Variants in RNFT2 observed in about 807,000 individuals in gnomAD.
RNFT2 encodes the protein ring finger protein, transmembrane 2.
RNFT2 carries 36 observed loss-of-function variants against 53.0 expected under a neutral mutation model. The ratio of observed to expected loss-of-function variants is 0.68; its 90% confidence interval spans 0.52 to 0.90. RNFT2 has a LOEUF of 0.90. RNFT2 is among the 40% of genes least tolerant of loss of function. The pLI is 0.00. For synonymous variants in RNFT2, 260 were observed against 253.2 expected (o/e 1.03, Z -0.26); for missense variants, 514 against 585.6 (o/e 0.88, Z 1.26).
intron 5 of RNFT2, among the ~76,000 whole-genome samples, chr12:116,763,079 CTGTT>C (rs1872754019): frequency 6.6e-6 from 1 of 151,868 alleles, no homozygotes; most frequent in Non-Finnish European, 1.5e-5. Context: ...AAGACCTTCT[CTGTT>C]TAAGAAAAAA....
chr12:116,802,821 G>T (rs139645560), intron 7 of RNFT2, among the ~76,000 whole-genome samples: 2 of 152,100 alleles, frequency 1.3e-5, no homozygotes, highest in Non-Finnish European at 2.9e-5. Flanking sequence ...TGGGCCTGGC[G>T]CAGTGGCTCA....
At position 116,853,277 on chromosome 12, in the gene RNFT2, A is replaced by G; in HGVS notation, c.*3829A>G. 2.5e-6 allele frequency: 1 copy of G among 398,708 alleles called. No homozygotes were observed. Among genetic ancestry groups the G allele is most frequent in the South Asian group, 1.3e-4 (1 of 7,862 alleles). 24.7% of individuals were successfully genotyped at this position (398,708 alleles called of 1,614,324 possible). ...TTGTAAGTAGGGTTAATCGAGTATCAGGTTCACAGTATCCTGCCCTTATTA... is the reference window on the plus strand; with the variant it reads ...TTGTAAGTAGGGTTAATCGAGTATCGGGTTCACAGTATCCTGCCCTTATTA... On this transcript the variant is annotated 3_prime_UTR_variant, in exon 11 of 11. Coordinates refer to ENST00000257575, the MANE Select transcript of RNFT2 (RefSeq NM_001382266.1).
At position 116,800,863 on chromosome 12, in the gene RNFT2, A is replaced by AAAATAAAATAAT. The variant is rs34964792; in HGVS notation, c.882+21515_882+21516insAAATAAAATAAT. On this transcript the variant is annotated intron_variant, in intron 7 of 10. Transcript: ENST00000257575. ...TAAAATAAAATAAAATAAAATAAAAACCATTTAACAGATAAAACAGAGGCT... is the reference window on the plus strand; with the variant it reads ...TAAAATAAAATAAAATAAAATAAAAAAAATAAAATAATCCATTTAACAGATAAAACAGAGGCT... Among the ~76,000 whole-genome samples the AAAATAAAATAAT allele has an allele frequency of 3.8e-3, 162 of 42,658 alleles. 3 individuals are homozygous for AAAATAAAATAAT. Among genetic ancestry groups the AAAATAAAATAAT allele is most frequent in the African/African-American group, 7.4e-3 (147 of 19,936 alleles). The allele number at this position is 42,658 out of a possible 152,430, so 28.0% of individuals were successfully genotyped here.
chr12:116,749,974 C>A lies in RNFT2; in HGVS notation c.217C>A (p.Pro73Thr). 1 of 1,561,706 alleles carries A rather than the reference C, an allele frequency of 6.4e-7. No homozygotes were observed. Among genetic ancestry groups the A allele is most frequent in the Non-Finnish European group, 8.7e-7 (1 of 1,152,786 alleles). ...LSGSLPTSSFPSSLVLGSSAG... is the reference protein window; with the variant it reads ...LSGSLPTSSFTSSLVLGSSAG... ...AGGCAGCCTCCCCACCAGCTCGTTCCCCTCCAGCCTGGTGCTGGGCTCCTC... is the reference window on the plus strand; with the variant it reads ...AGGCAGCCTCCCCACCAGCTCGTTCACCTCCAGCCTGGTGCTGGGCTCCTC... Residue 73 changes from proline to threonine, a missense_variant, in exon 4 of 11, where the codon CCC (proline) becomes ACC (threonine). Pro to Thr is a conservative substitution (Grantham distance 38, BLOSUM62 -1). Around this residue, in one of 3 missense-constraint regions of RNFT2, gnomAD observed 237 missense variants for 235.1 expected, o/e 1.01. Transcript: ENST00000257575.
intron 7 of RNFT2, among the ~76,000 whole-genome samples, chr12:116,803,254 G>A (rs776648903): frequency 4.6e-5 from 7 of 152,134 alleles, no homozygotes; most frequent in Admixed American, 6.5e-5. Context: ...GGGTGCAACC[G>A]ACACCACCTG....
intron 5 of RNFT2, among the ~76,000 whole-genome samples, chr12:116,762,561 A>T (rs896429264): frequency 2.4e-4 from 35 of 148,708 alleles, no homozygotes; most frequent in African/African-American, 8.4e-4. Flanking sequence ...ACATAGCAAG[A>T]CCCCTTTCTT....
At chr12:116,819,798 A>T (rs1423016514) in intron 7 of RNFT2, among the ~76,000 whole-genome samples, 1 of 152,184 alleles carries the variant, frequency 6.6e-6, no homozygotes, top group African/African-American at 2.4e-5. Flanking sequence ...TATAAAGCTC[A>T]GTGGATTTTT....
At chr12:116,839,931 A>G (rs1877170101) in intron 10 of RNFT2, among the ~76,000 whole-genome samples, 1 of 152,174 alleles carries the variant, frequency 6.6e-6, no homozygotes, top group Non-Finnish European at 1.5e-5. Flanking sequence ...GCAGACACTG[A>G]GCATGTCCTG....
chr12:116,818,828 C>A (rs963403582), intron 7 of RNFT2, among the ~76,000 whole-genome samples: 5 of 152,202 alleles, frequency 3.3e-5, no homozygotes, highest in African/African-American at 9.6e-5. Flanking sequence ...CTACAGTGGT[C>A]TGTCATGTGG....
chr12:116,764,464 A>G (rs1872824333), intron 5 of RNFT2, among the ~76,000 whole-genome samples: 2 of 152,272 alleles, frequency 1.3e-5, no homozygotes, highest in South Asian at 2.1e-4. Flanking sequence ...TTGGGCCTCC[A>G]TGCAGCATGG....
In RNFT2 at chr12:116,836,299, C is replaced by T. The variant is rs200725673; in HGVS notation, c.1200+17C>T. ...CTGTGCCAGGTGAGCAGGGCTCAGG[C>T]GGGACCATTGGAGACCAAGGCTGGG... On this transcript the variant is annotated intron_variant, in intron 10 of 10. Transcript: ENST00000257575. 63 of 1,552,800 alleles carry T rather than the reference C, an allele frequency of 4.1e-5. No homozygotes were observed. Among genetic ancestry groups the T allele is most frequent in the Middle Eastern group, 1.7e-4 (1 of 6,020 alleles).
chr12:116,776,679 A>G (rs556846192), intron 6 of RNFT2, among the ~76,000 whole-genome samples: 1 of 152,314 alleles, frequency 6.6e-6, no homozygotes, highest in African/African-American at 2.4e-5. Context: ...CCAGCTGAGT[A>G]TTTCCAAAGC....
chr12:116,793,210 C>CTTT (rs35482097), intron 7 of RNFT2, among the ~76,000 whole-genome samples: 23 of 120,740 alleles, frequency 1.9e-4, no homozygotes, highest in South Asian at 5.6e-4. Context: ...ATCCAGATAG[C>CTTT]TTTTTTTTTT....
chr12:116,815,964 C>T (rs1875635753), intron 7 of RNFT2, among the ~76,000 whole-genome samples: 1 of 152,158 alleles, frequency 6.6e-6, no homozygotes, highest in Non-Finnish European at 1.5e-5. Flanking sequence ...TGCCTGTCTC[C>T]CTCCTTCCCT....
At chr12:116,781,023 A>C (rs539317382) in intron 7 of RNFT2, among the ~76,000 whole-genome samples, 1 of 152,152 alleles carries the variant, frequency 6.6e-6, no homozygotes, top group Non-Finnish European at 1.5e-5. Flanking sequence ...TGTAAGAACT[A>C]TTGGTTGTGG....
At chr12:116,791,595 C>G (rs776923817) in intron 7 of RNFT2, among the ~76,000 whole-genome samples, 61 of 152,220 alleles carry the variant, frequency 4.0e-4, no homozygotes, top group Non-Finnish European at 1.3e-4. Context: ...CAGGCATGAG[C>G]CACCATGCCC....
chr12:116,806,047 C>A (rs12371218), intron 7 of RNFT2, among the ~76,000 whole-genome samples: 3 of 152,170 alleles, frequency 2.0e-5, no homozygotes, highest in Non-Finnish European at 4.4e-5. Flanking sequence ...AACAAGAGGG[C>A]AGCTTTGAAG....
chr12:116,812,229 C>T (rs924075), intron 7 of RNFT2, among the ~76,000 whole-genome samples: 122,532 of 152,070 alleles, frequency 0.81, 50,939 homozygotes, highest in Non-Finnish European at 0.91. Flanking sequence ...CAGACTTATT[C>T]CCTGCTGCAG....
At chr12:116,740,830 A>G (rs1871570127) in intron 2 of RNFT2, 3 of 629,426 alleles carry the variant, frequency 4.8e-6, no homozygotes, top group African/African-American at 3.7e-5. Context: ...CCTCTGTGAA[A>G]TGGGGTGATA....
Sources: allele counts gnomAD v4.1 joint callset (sites outside exome capture counted in the v4.1 genomes callset), GRCh38; gene constraint gnomAD v4.1.1; regional missense constraint gnomAD v4.1.1; transcripts MANE v1.5; gene names NCBI Gene and HGNC (gene_info 2026-07-23, HGNC 2026-07-21).